NMBR: variants seen among roughly 807,000 people sequenced by gnomAD.
NMBR encodes the protein neuromedin-B receptor.
In NMBR, 16 loss-of-function variants were observed where a neutral mutation model predicts 20.5. The ratio of observed to expected loss-of-function variants is 0.78; its 90% CI spans 0.53 to 1.19. The LOEUF (loss-of-function observed/expected upper bound fraction) is 1.19, where lower values mean the gene tolerates loss of function less well. Ranked by LOEUF, NMBR falls within the 50% of genes most tolerant of loss-of-function variation. The probability of loss-of-function intolerance (pLI) is 0.00; values close to 1 mark genes in which losing one functional copy is unlikely to be tolerated. For synonymous variants in NMBR, 212 were observed against 196.6 expected, an observed-to-expected ratio of 1.08 and a Z score of -0.65; for missense variants, 582 against 499.1, an observed-to-expected ratio of 1.17 and a Z score of -1.58.
chr6:142,106,250 C>CA (rs1402368640), intron 1 of NMBR, among the ~76,000 whole-genome samples: 3 of 152,116 alleles, frequency 2.0e-5, no homozygotes, highest in Admixed American at 2.0e-4. Flanking sequence ...AGCAAGGAGG[C>CA]AAAACAGGGA....
chr6:142,125,952 A>G (rs914315163), intron 1 of NMBR, among the ~76,000 whole-genome samples: 2 of 151,476 alleles, frequency 1.3e-5, no homozygotes, highest in African/African-American at 4.8e-5. Flanking sequence ...ACAATACGGT[A>G]TTGTTAAACT....
intron 1 of NMBR, among the ~76,000 whole-genome samples, chr6:142,095,410 T>A (rs1777428883): frequency 6.6e-6 from 1 of 152,224 alleles, no homozygotes; most frequent in Non-Finnish European, 1.5e-5. Flanking sequence ...ATTGAGATAA[T>A]CATGTGGTTT....
intron 1 of NMBR, among the ~76,000 whole-genome samples, chr6:142,123,184 G>A (rs897899019): frequency 6.6e-6 from 1 of 151,908 alleles, no homozygotes; most frequent in Admixed American, 6.6e-5. Context: ...AAACCTCATG[G>A]AAAACTATGA....
At chr6:142,094,627 T>G (rs532955965) in intron 1 of NMBR, among the ~76,000 whole-genome samples, 8 of 152,288 alleles carry the variant, frequency 5.3e-5, no homozygotes, top group South Asian at 2.1e-4. Flanking sequence ...TTGACTTGGC[T>G]ATGCGGGCTC....
At chr6:142,138,327 G>GT (rs1485521767) in intron 1 of NMBR, among the ~76,000 whole-genome samples, 1 of 152,020 alleles carries the variant, frequency 6.6e-6, no homozygotes, top group Non-Finnish European at 1.5e-5. Context: ...CATCATTGAG[G>GT]TTTTCTCTAC....
chr6:142,088,971 T>A lies in NMBR; in HGVS notation c.-313A>T, dbSNP rs904483472. ...TCAGTGGTTTGTTCTCGCGGTTATCTAGCGGAAAACAGCCTTTCAGGAACA... is the reference window on the plus strand; with the variant it reads ...TCAGTGGTTTGTTCTCGCGGTTATCAAGCGGAAAACAGCCTTTCAGGAACA... On this transcript the variant is annotated 5_prime_UTR_variant, in exon 2 of 4. Coordinates refer to ENST00000258042, the MANE Select transcript of NMBR (RefSeq NM_002511.4). Among the ~76,000 whole-genome samples the A allele has an allele frequency of 1.3e-4, 20 of 151,740 alleles. No individual in the cohort carries two copies. The highest frequency in any genetic ancestry group is 2.0e-4 in the Admixed American group (3 of 15,264).
rs1777258050 is a variant in NMBR at position 142,088,766 on chromosome 6, A to G, written c.-108T>C. Reference sequence around the variant, plus strand: ...CGATGTCCCTCCCTCTCGCCCCTGCAAGTTTACTGTCCGCGGGGCAAGCCT... The same window carrying G: ...CGATGTCCCTCCCTCTCGCCCCTGCGAGTTTACTGTCCGCGGGGCAAGCCT... On this transcript the variant is annotated 5_prime_UTR_variant, in exon 2 of 4. Transcript: ENST00000258042. 2.0e-6 allele frequency: 2 copies of G among 1,004,068 alleles called. No homozygotes were observed. The highest frequency in any genetic ancestry group is 3.2e-5 in the African/African-American group (2 of 61,624). The allele number at this position is 1,004,068 out of a possible 1,614,324, so 62.2% of individuals were successfully genotyped here. A position where few individuals can be genotyped will look rare whatever the true frequency, so the allele number is the denominator to read the frequency against.
chr6:142,103,163 G>A (rs1291696580), intron 1 of NMBR, among the ~76,000 whole-genome samples: 1 of 152,196 alleles, frequency 6.6e-6, no homozygotes, highest in African/African-American at 2.4e-5. Context: ...GATACTCTGA[G>A]AAGACCATGG....
chr6:142,099,687 AT>A (rs1256202201), intron 1 of NMBR, among the ~76,000 whole-genome samples: 1 of 152,184 alleles, frequency 6.6e-6, no homozygotes, highest in African/African-American at 2.4e-5. Flanking sequence ...CAAGAAAAAA[AT>A]AATTGATCAG....
intron 1 of NMBR, among the ~76,000 whole-genome samples, chr6:142,091,324 A>C (rs1008016509): frequency 2.0e-5 from 3 of 152,128 alleles, no homozygotes; most frequent in African/African-American, 7.2e-5. Context: ...CTTCATTCAA[A>C]CAATTCTCCT....
chr6:142,118,170 T>C (rs1562243372), intron 1 of NMBR, among the ~76,000 whole-genome samples: 1 of 151,988 alleles, frequency 6.6e-6, no homozygotes, highest in Non-Finnish European at 1.5e-5. Context: ...CCAGTTCTGG[T>C]GCCATAATGT....
chr6:142,112,492 C>T lies in NMBR; in HGVS notation c.-663-23171G>A, dbSNP rs1022427781. Among the ~76,000 whole-genome samples the T allele has an allele frequency of 3.9e-5, 6 of 152,090 alleles. No individual in the cohort carries two copies. The East Asian group carries it at 1.2e-3, about 29-fold the overall frequency. The stretch of plus-strand genomic sequence containing the variant: ...AATATAAAGCATGGATTGGATAAAT[C>T]TCTCAAATAATTTGATGTGGCATCT... On this transcript the variant is annotated intron_variant, in intron 1 of 3. Transcript: ENST00000258042.
intron 1 of NMBR, among the ~76,000 whole-genome samples, chr6:142,100,241 C>A (rs1777534878): frequency 1.3e-5 from 2 of 152,104 alleles, no homozygotes; most frequent in Admixed American, 1.3e-4. Flanking sequence ...AACATATGTC[C>A]ACACAAAAAC....
intron 1 of NMBR, among the ~76,000 whole-genome samples, chr6:142,104,986 C>CA (rs1777632680): frequency 6.6e-6 from 1 of 151,818 alleles, no homozygotes; most frequent in Non-Finnish European, 1.5e-5. Context: ...GTGGATCTTA[C>CA]AAAGTACATT....
At chr6:142,100,153 G>A (rs1777532889) in intron 1 of NMBR, among the ~76,000 whole-genome samples, 1 of 152,194 alleles carries the variant, frequency 6.6e-6, no homozygotes, top group South Asian at 2.1e-4. Context: ...CAGTTTGGCA[G>A]TTTCATACAA....
intron 1 of NMBR, chr6:142,133,253 CCT>C (rs1247889803): frequency 1.7e-6 from 1 of 591,102 alleles, no homozygotes; most frequent in African/African-American, 1.8e-5. Flanking sequence ...AGTATTTTAC[CCT>C]GAATTGCATA....
intron 1 of NMBR, among the ~76,000 whole-genome samples, chr6:142,135,326 A>G (rs766841385): frequency 3.9e-5 from 6 of 152,140 alleles, no homozygotes; most frequent in African/African-American, 9.7e-5. Flanking sequence ...GTGGAACTAT[A>G]CAGTTTTAAA....
At chr6:142,097,060 G>T (rs1777468059) in intron 1 of NMBR, among the ~76,000 whole-genome samples, 1 of 152,092 alleles carries the variant, frequency 6.6e-6, no homozygotes, top group African/African-American at 2.4e-5. Context: ...TTGAGCGTAT[G>T]TGTGTCTTTG....
intron 1 of NMBR, among the ~76,000 whole-genome samples, chr6:142,104,025 A>G (rs891338290): frequency 6.6e-6 from 1 of 152,162 alleles, no homozygotes; most frequent in Non-Finnish European, 1.5e-5. Context: ...CAGAAACTGC[A>G]TTAGAATTAG....
Sources: gnomAD v4.1 joint callset for allele counts (sites outside exome capture counted in the v4.1 genomes callset) on GRCh38, gnomAD v4.1.1 for gene constraint, MANE v1.5 for transcripts, NCBI Gene and HGNC (gene_info 2026-07-23, HGNC 2026-07-21) for gene names.